The following DNAJC2 variants were observed in gnomAD, a reference collection of about 807,000 sequenced individuals.
DNAJC2 encodes the protein dnaJ homolog subfamily C member 2.
A neutral mutation model predicts 94.0 loss-of-function variants in DNAJC2; 32 were observed. The ratio of observed to expected loss-of-function variants is 0.34; its 90% CI spans 0.26 to 0.46. The LOEUF (loss-of-function observed/expected upper bound fraction) is 0.46, where lower values mean the gene tolerates loss of function less well. DNAJC2 is among the 20% of genes least tolerant of loss of function. The probability of loss-of-function intolerance (pLI) is 1.00; values close to 1 mark genes in which losing one functional copy is unlikely to be tolerated. For synonymous variants in DNAJC2, 210 were observed against 229.7 expected, an observed-to-expected ratio of 0.91 and a Z score of 0.77; for missense variants, 550 against 719.5, an observed-to-expected ratio of 0.76 and a Z score of 2.69.
intron 15 of DNAJC2, chr7:103,314,443 C>A: frequency 1.0e-6 from 1 of 985,328 alleles, no homozygotes. Flanking sequence ...GTCACTCTTG[C>A]CTTCACAGGG....
chr7:103,338,044 T>C (rs539643603), intron 2 of DNAJC2, among the ~76,000 whole-genome samples: 70 of 152,140 alleles, frequency 4.6e-4, no homozygotes, highest in African/African-American at 1.6e-3. Context: ...AGGTGGAGGA[T>C]TGCTTGAGCC....
intron 2 of DNAJC2, among the ~76,000 whole-genome samples, chr7:103,339,633 C>A (rs1254537327): frequency 6.6e-6 from 1 of 151,202 alleles, no homozygotes; most frequent in African/African-American, 2.4e-5. Context: ...TGGAGTTTCA[C>A]TCTTGTTGCC....
intron 3 of DNAJC2, among the ~76,000 whole-genome samples, chr7:103,332,278 T>G (rs547936316): frequency 6.6e-6 from 1 of 152,364 alleles, no homozygotes; most frequent in South Asian, 2.1e-4. Context: ...GTGCTCGGAT[T>G]ATAGGCGTGA....
chr7:103,334,798 C>T (rs188734209), intron 3 of DNAJC2, among the ~76,000 whole-genome samples: 1 of 152,132 alleles, frequency 6.6e-6, no homozygotes, highest in East Asian at 1.9e-4. Context: ...TCAACATATA[C>T]TGCAAGGGTT....
chr7:103,313,180 T>C, intron 15 of DNAJC2, 79 bp from the exon 16 acceptor site: 2 of 1,486,330 alleles, frequency 1.3e-6, no homozygotes, highest in South Asian at 1.4e-5. Flanking sequence ...AAGTATTCGC[T>C]AAGTGCCCAT....
chr7:103,332,839 G>C (rs966354672), intron 3 of DNAJC2, among the ~76,000 whole-genome samples: 3 of 152,172 alleles, frequency 2.0e-5, no homozygotes, highest in Non-Finnish European at 2.9e-5. Context: ...GCCCAGGCTA[G>C]TCTTGAACTA....
At chr7:103,313,480 A>T (rs1477494434) in intron 15 of DNAJC2, 12 of 985,022 alleles carry the variant, frequency 1.2e-5, no homozygotes, top group Non-Finnish European at 1.3e-5. Flanking sequence ...TGATAAATCT[A>T]CTTCCTTACA....
chr7:103,344,370 C>T (rs947676652), intron 1 of DNAJC2, 189 bp downstream of exon 1: 8 of 621,938 alleles, frequency 1.3e-5, no homozygotes, highest in South Asian at 2.0e-5. Context: ...GCACCCCTCA[C>T]CCTCCTTCCT....
At chr7:103,320,789 A>G in intron 10 of DNAJC2, 1 of 178,110 alleles carries the variant, frequency 5.6e-6, no homozygotes, top group Non-Finnish European at 1.1e-5. Context: ...ATATATTCTG[A>G]AACTGTGTCT....
At chr7:103,333,008 T>G (rs952229126) in intron 3 of DNAJC2, among the ~76,000 whole-genome samples, 1 of 152,048 alleles carries the variant, frequency 6.6e-6, no homozygotes, top group African/African-American at 2.4e-5. Flanking sequence ...TTTTTTTAGA[T>G]TTTGGAATAT....
chr7:103,337,957 G>A (rs1043943539), intron 2 of DNAJC2, 146 bp from the exon 3 acceptor site: 1 of 622,698 alleles, frequency 1.6e-6, no homozygotes, highest in Non-Finnish European at 2.8e-6. Flanking sequence ...AGGGTCTATG[G>A]TCAGGTAAGG....
At chr7:103,326,519 A>G (rs777366096) in intron 5 of DNAJC2, 24 bp downstream of exon 5, 4 of 1,613,176 alleles carry the variant, frequency 2.5e-6, no homozygotes. Context: ...GGGCACTATG[A>G]TCAAAAGGGA....
intron 1 of DNAJC2, among the ~76,000 whole-genome samples, chr7:103,342,797 A>G (rs1011639877): frequency 2.7e-5 from 4 of 150,924 alleles, no homozygotes; most frequent in African/African-American, 9.8e-5. Flanking sequence ...TTTAGTAAAG[A>G]CGGGGTTTCA....
chr7:103,321,864 A>ACAAC, intron 10 of DNAJC2, 68 bp downstream of exon 10: 1 of 1,529,376 alleles, frequency 6.5e-7, no homozygotes, highest in Non-Finnish European at 8.9e-7. Context: ...AAACAAACAA[A>ACAAC]AAGAAGTATT....
intron 2 of DNAJC2, among the ~76,000 whole-genome samples, chr7:103,340,162 T>TA (rs1819323269): frequency 6.6e-6 from 1 of 152,222 alleles, no homozygotes; most frequent in Non-Finnish European, 1.5e-5. Context: ...GCTCCTCCCT[T>TA]AGTTTCTGGA....
chr7:103,313,320 T>TAAA (rs1198910417), intron 15 of DNAJC2: 73 of 1,297,108 alleles, frequency 5.6e-5, no homozygotes, highest in Non-Finnish European at 6.8e-5. Flanking sequence ...CAAAGGCTTT[T>TAAA]AAAACACAAT....
intron 10 of DNAJC2, among the ~76,000 whole-genome samples, chr7:103,320,595 C>T (rs992177260): frequency 6.6e-6 from 1 of 151,202 alleles, no homozygotes; most frequent in Non-Finnish European, 1.5e-5. Context: ...CCCGTCTCTA[C>T]TAAAAATCCA....
chr7:103,318,836 G>A (rs1158101663), intron 12 of DNAJC2, among the ~76,000 whole-genome samples: 2 of 152,190 alleles, frequency 1.3e-5, no homozygotes, highest in Non-Finnish European at 1.5e-5. Flanking sequence ...AGCTATGCTT[G>A]TGATAGATAC....
intron 3 of DNAJC2, among the ~76,000 whole-genome samples, chr7:103,334,240 T>C (rs890193529): frequency 8.0e-5 from 12 of 150,602 alleles, no homozygotes; most frequent in Non-Finnish European, 1.3e-4. Context: ...TGTGAGCCAC[T>C]GTGCCCGGCC....
Sources: gnomAD v4.1 joint callset for allele counts (sites outside exome capture counted in the v4.1 genomes callset) on GRCh38, gnomAD v4.1.1 for gene constraint, MANE v1.5 for transcripts, NCBI Gene and HGNC (gene_info 2026-07-23, HGNC 2026-07-21) for gene names.